BMPR2: variants seen among roughly 807,000 people sequenced by gnomAD.
The protein encoded by BMPR2 is bone morphogenetic protein receptor type-2.
BMPR2 carries 29 observed loss-of-function variants against 100.8 expected under a neutral mutation model. That is an observed-to-expected ratio of 0.29 (90% CI 0.21 to 0.39). The LOEUF (loss-of-function observed/expected upper bound fraction) is 0.39, where lower values mean the gene tolerates loss of function less well. BMPR2 is among the 10% of genes least tolerant of loss of function. The pLI is 1.00. For synonymous variants in BMPR2, 382 were observed against 442.3 expected (o/e 0.86, Z 1.71); for missense variants, 1,011 against 1,274.5 (o/e 0.79, Z 3.15).
At chr2:202,384,005 C>G (rs28386488) in intron 1 of BMPR2, among the ~76,000 whole-genome samples, 1 of 151,986 alleles carries the variant, frequency 6.6e-6, no homozygotes, top group Non-Finnish European at 1.5e-5. Context: ...AACCCCATCT[C>G]TACTAAAAAT....
intron 7 of BMPR2, among the ~76,000 whole-genome samples, chr2:202,523,239 CT>C (rs1687851312): frequency 6.6e-6 from 1 of 152,152 alleles, no homozygotes; most frequent in African/African-American, 2.4e-5. Flanking sequence ...ACAACGGATG[CT>C]GTTGAGACTG....
At chr2:202,378,156 A>G (rs940888502) in intron 1 of BMPR2, among the ~76,000 whole-genome samples, 3 of 152,182 alleles carry the variant, frequency 2.0e-5, no homozygotes, top group South Asian at 2.1e-4. Context: ...TCTGGCATCT[A>G]TCTATTGGCT....
rs1446800316 is a variant in BMPR2 at position 202,566,387 on chromosome 2, C to T, written c.*6441C>T. 6.6e-6 allele frequency: 1 copy of T among 152,518 alleles called. No homozygotes were observed. Among genetic ancestry groups the T allele is most frequent in the Non-Finnish European group, 1.5e-5 (1 of 67,978 alleles). 9.4% of individuals were successfully genotyped at this position (152,518 alleles called of 1,614,324 possible). ...TTGCACAGTTCATTTAATGTTTCAT[C>T]TTATTTGACTTTTTCACATAGATAT... On this transcript the variant is annotated 3_prime_UTR_variant, in exon 13 of 13. Coordinates refer to ENST00000374580, the MANE Select transcript of BMPR2 (RefSeq NM_001204.7).
At chr2:202,388,410 A>AC (rs1462496857) in intron 1 of BMPR2, among the ~76,000 whole-genome samples, 2 of 150,534 alleles carry the variant, frequency 1.3e-5, no homozygotes, top group Non-Finnish European at 3.0e-5. Context: ...AAAAAAAAAA[A>AC]AAAAAAAAAA....
At chr2:202,529,730 A>G (rs1179912457) in intron 7 of BMPR2, among the ~76,000 whole-genome samples, 2 of 152,178 alleles carry the variant, frequency 1.3e-5, no homozygotes, top group East Asian at 3.8e-4. Context: ...ATCAATGATT[A>G]TTATAATTAT....
intron 3 of BMPR2, among the ~76,000 whole-genome samples, chr2:202,505,583 C>T (rs1345417866): frequency 6.6e-6 from 1 of 152,036 alleles, no homozygotes; most frequent in Non-Finnish European, 1.5e-5. Flanking sequence ...GATTTATGGA[C>T]ATTGTTGTGC....
chr2:202,537,748 C>T (rs1256128106), intron 9 of BMPR2, among the ~76,000 whole-genome samples: 1 of 152,152 alleles, frequency 6.6e-6, no homozygotes, highest in East Asian at 1.9e-4. Flanking sequence ...ACCCCGTAAT[C>T]TTGGATATGG....
At chr2:202,404,358 A>G (rs964112488) in intron 1 of BMPR2, among the ~76,000 whole-genome samples, 12 of 151,838 alleles carry the variant, frequency 7.9e-5, no homozygotes, top group African/African-American at 2.7e-4. Context: ...CACCCGGCTA[A>G]TTTTTATATA....
chr2:202,377,672 G>C, intron 1 of BMPR2, 122 bp downstream of exon 1: 1 of 1,185,688 alleles, frequency 8.4e-7, no homozygotes, highest in Non-Finnish European at 1.2e-6. Context: ...CGGTGCAGCG[G>C]AGCTGCGACC....
At chr2:202,476,539 A>G (rs1042972129) in intron 3 of BMPR2, among the ~76,000 whole-genome samples, 2 of 152,182 alleles carry the variant, frequency 1.3e-5, no homozygotes, top group African/African-American at 4.8e-5. Context: ...CTGTAATCCT[A>G]GCACTTGGGG....
At chr2:202,508,358 T>C (rs1201936641) in intron 3 of BMPR2, among the ~76,000 whole-genome samples, 2 of 152,204 alleles carry the variant, frequency 1.3e-5, no homozygotes. Flanking sequence ...CCCAAAGTGC[T>C]GGGATTACAG....
rs867845758 is a variant in BMPR2, at chr2:202,388,678, C to T, written c.76+11128C>T. 2.6e-4 allele frequency among the ~76,000 whole-genome samples: 40 copies of T among 151,514 alleles called. No individual in the cohort carries two copies. In the Middle Eastern group the frequency reaches 0.01, roughly 39 times the overall value. On this transcript the variant is annotated intron_variant, in intron 1 of 12. Transcript: ENST00000374580. The stretch of plus-strand genomic sequence containing the variant: ...TGGTGGGTGCCTGTAGTCCCAGCTA[C>T]TCAGGAGGCTGAGGCAGAAGAATCC...
chr2:202,492,494 G>A (rs1692922039), intron 3 of BMPR2, among the ~76,000 whole-genome samples: 1 of 151,986 alleles, frequency 6.6e-6, no homozygotes, highest in South Asian at 2.1e-4. Context: ...GAGACCAGGA[G>A]TTCGAGACCA....
chr2:202,551,293 G>A (rs903826782), intron 10 of BMPR2, among the ~76,000 whole-genome samples: 1 of 150,616 alleles, frequency 6.6e-6, no homozygotes, highest in Non-Finnish European at 1.5e-5. Flanking sequence ...AAGGCAGGTG[G>A]ATCACGAGGT....
intron 3 of BMPR2, among the ~76,000 whole-genome samples, chr2:202,469,913 T>TAC (rs1692401764): frequency 6.6e-6 from 1 of 152,216 alleles, no homozygotes; most frequent in African/African-American, 2.4e-5. Flanking sequence ...TTTGACTATA[T>TAC]ACACTCTTGT....
At chr2:202,396,814 A>C (rs927392941) in intron 1 of BMPR2, among the ~76,000 whole-genome samples, 1 of 150,372 alleles carries the variant, frequency 6.7e-6, no homozygotes, top group Non-Finnish European at 1.5e-5. Flanking sequence ...TTTGAAACGG[A>C]GTTTCGGAGT....
intron 3 of BMPR2, among the ~76,000 whole-genome samples, chr2:202,497,384 C>T (rs1318735378): frequency 6.6e-6 from 1 of 152,228 alleles, no homozygotes; most frequent in Non-Finnish European, 1.5e-5. Flanking sequence ...AATTCGGGGG[C>T]TAAATACCGG....
intron 1 of BMPR2, among the ~76,000 whole-genome samples, chr2:202,387,523 A>C (rs551865722): frequency 6.6e-5 from 10 of 152,362 alleles, no homozygotes; most frequent in African/African-American, 2.2e-4. Context: ...GGAATCTTTT[A>C]GGCATCTGAA....
At chr2:202,454,908 A>G (rs1308968836) in intron 1 of BMPR2, among the ~76,000 whole-genome samples, 1 of 152,216 alleles carries the variant, frequency 6.6e-6, no homozygotes, top group East Asian at 1.9e-4. Flanking sequence ...TCAAGGTGCT[A>G]GATGACTTGG....
Sources: allele counts gnomAD v4.1 joint callset (sites outside exome capture counted in the v4.1 genomes callset), GRCh38; gene constraint gnomAD v4.1.1; transcripts MANE v1.5; gene names NCBI Gene and HGNC (gene_info 2026-07-23, HGNC 2026-07-21).